The following ME3 variants were observed in gnomAD, a reference collection of about 807,000 sequenced individuals.
ME3 encodes the protein malic enzyme 3, also known as NADP-dependent malic enzyme, mitochondrial.
In ME3, 48 loss-of-function variants were observed where a neutral mutation model predicts 68.9. The ratio of observed to expected loss-of-function variants is 0.70; its 90% confidence interval spans 0.55 to 0.89. The LOEUF is 0.89. Among genes scored for constraint, ME3 ranks in the 40% least tolerant of loss-of-function variants. ME3 has a pLI of 0.00. For synonymous variants in ME3, 320 were observed against 318.8 expected (o/e 1.00, Z -0.04); for missense variants, 675 against 797.4 (o/e 0.85, Z 1.85).
intron 2 of ME3, among the ~76,000 whole-genome samples, chr11:86,598,210 G>C (rs7106865): frequency 0.44 from 67,586 of 152,006 alleles, 15,565 homozygotes; most frequent in East Asian, 0.7. Flanking sequence ...AAAGGGGTGA[G>C]AGAATGGCAT....
At chr11:86,573,304 T>C (rs1290939180) in intron 2 of ME3, among the ~76,000 whole-genome samples, 3 of 152,228 alleles carry the variant, frequency 2.0e-5, no homozygotes, top group Non-Finnish European at 2.9e-5. Context: ...TTTGTCAATT[T>C]TGACTTTGGT....
chr11:86,574,397 CGG>C (rs376489722), intron 2 of ME3, among the ~76,000 whole-genome samples: 8,048 of 55,892 alleles, frequency 0.14, 227 homozygotes, highest in Non-Finnish European at 0.2. Context: ...TATTTGTTGC[CGG>C]GGGGGGGGGG....
intron 4 of ME3, among the ~76,000 whole-genome samples, chr11:86,514,978 G>A (rs911494516): frequency 1.3e-5 from 2 of 152,178 alleles, no homozygotes; most frequent in African/African-American, 4.8e-5. Context: ...TTACAAATTA[G>A]TGTTTTAGCT....
intron 2 of ME3, among the ~76,000 whole-genome samples, chr11:86,597,729 G>T (rs1195662543): frequency 6.6e-6 from 1 of 152,092 alleles, no homozygotes; most frequent in Non-Finnish European, 1.5e-5. Context: ...GAGTGACCAC[G>T]GCCCGTGACA....
At chr11:86,501,232 A>G (rs1952703788) in intron 5 of ME3, among the ~76,000 whole-genome samples, 1 of 149,082 alleles carries the variant, frequency 6.7e-6, no homozygotes. Flanking sequence ...ATGAAATAAA[A>G]TATGTCTCAT....
At chr11:86,465,246 A>AATCATGG in intron 7 of ME3, 46 bp from the exon 8 acceptor site, 2 of 1,428,336 alleles carry the variant, frequency 1.4e-6, no homozygotes, top group Non-Finnish European at 2.0e-6. Context: ...TCTCTGAGGC[A>AATCATGG]GATCCCTGAC....
chr11:86,633,018 G>C (rs1303407151), intron 2 of ME3, among the ~76,000 whole-genome samples: 1 of 152,220 alleles, frequency 6.6e-6, no homozygotes, highest in East Asian at 1.9e-4. Flanking sequence ...GGGACACAGA[G>C]TCAGGATGTT....
At chr11:86,672,504 C>A (rs888112336) in exon 1 of ME3, 1 of 152,350 alleles carries the variant, frequency 6.6e-6, no homozygotes, top group Admixed American at 6.5e-5. Context: ...GCCTGGCTTC[C>A]CCTGAGGACG....
At chr11:86,498,498 G>A (rs1023329431) in intron 5 of ME3, among the ~76,000 whole-genome samples, 8 of 152,166 alleles carry the variant, frequency 5.3e-5, no homozygotes, top group Middle Eastern at 3.2e-3. Context: ...ATAATTAAAG[G>A]AGAAAATAAA....
At chr11:86,653,329 G>A (rs1188974786) in intron 2 of ME3, among the ~76,000 whole-genome samples, 2 of 152,126 alleles carry the variant, frequency 1.3e-5, no homozygotes, top group Non-Finnish European at 2.9e-5. Context: ...TTCCAAAATT[G>A]ACCACATAGT....
At chr11:86,528,182 C>CA (rs1565904768) in intron 4 of ME3, among the ~76,000 whole-genome samples, 1 of 151,656 alleles carries the variant, frequency 6.6e-6, no homozygotes, top group African/African-American at 2.4e-5. Context: ...AAATGGAAAA[C>CA]AAAAAAAGGC....
chr11:86,652,549 G>A (rs1237866036), intron 2 of ME3, among the ~76,000 whole-genome samples: 1 of 152,106 alleles, frequency 6.6e-6, no homozygotes, highest in Non-Finnish European at 1.5e-5. Context: ...AATGCTGAGA[G>A]ATTTTGTCAC....
intron 2 of ME3, among the ~76,000 whole-genome samples, chr11:86,646,291 C>A (rs1396321212): frequency 6.6e-6 from 1 of 152,108 alleles, no homozygotes; most frequent in Admixed American, 6.5e-5. Context: ...TGCAAGGAAG[C>A]TAAGAACCTT....
chr11:86,624,879 T>C (rs1943563508), intron 2 of ME3, among the ~76,000 whole-genome samples: 2 of 152,162 alleles, frequency 1.3e-5, no homozygotes, highest in African/African-American at 2.4e-5. Context: ...AAGAACAGTA[T>C]TGCAAAAGCC....
intron 4 of ME3, among the ~76,000 whole-genome samples, chr11:86,532,689 T>C (rs1484578730): frequency 6.6e-6 from 1 of 152,136 alleles, no homozygotes; most frequent in African/African-American, 2.4e-5. Flanking sequence ...ACTGGAAACA[T>C]AGCATAATGT....
At chr11:86,602,486 T>C (rs1960865419) in intron 2 of ME3, among the ~76,000 whole-genome samples, 1 of 152,164 alleles carries the variant, frequency 6.6e-6, no homozygotes, top group Admixed American at 6.5e-5. Context: ...CATTCTATGC[T>C]CATGGGTAGG....
At position 86,619,338 on chromosome 11, in the gene ME3, C is replaced by T. The variant is rs549358518; in HGVS notation, c.183+52424G>A. On this transcript the variant is annotated intron_variant, in intron 2 of 14. Coordinates refer to ENST00000543262, the Ensembl canonical transcript of ME3. ...GTGAGAAATTATAGAATACTGAAAT[C>T]GTATAATAAAGTATTAAATTGAGGG... Among the ~76,000 whole-genome samples the T allele has an allele frequency of 1.5e-4, 23 of 152,242 alleles. No homozygotes were observed. In the South Asian group the frequency reaches 2.1e-3, roughly 14 times the overall value.
intron 2 of ME3, among the ~76,000 whole-genome samples, chr11:86,568,529 C>T (rs1229789268): frequency 2.6e-5 from 4 of 152,216 alleles, no homozygotes; most frequent in Admixed American, 2.0e-4. Context: ...ACTCTATTTA[C>T]CCATGGGCTC....
At chr11:86,489,326 G>T (rs1490770166) in intron 6 of ME3, 1 of 152,202 alleles carries the variant, frequency 6.6e-6, no homozygotes, top group East Asian at 1.9e-4. Context: ...ATCAAATGGG[G>T]ATAAAATAGG....
Sources: allele counts gnomAD v4.1 joint callset (sites outside exome capture counted in the v4.1 genomes callset), GRCh38; gene constraint gnomAD v4.1.1; transcripts MANE v1.5; gene names NCBI Gene and HGNC (gene_info 2026-07-23, HGNC 2026-07-21).